PSMA7: variants seen among roughly 807,000 people sequenced by gnomAD.
PSMA7 encodes the protein proteasome 20S subunit alpha 7.
A neutral mutation model predicts 31.3 loss-of-function variants in PSMA7; 5 were observed. That is an observed-to-expected ratio of 0.16 (90% CI 0.08 to 0.34). PSMA7 has a LOEUF of 0.34. PSMA7 is among the 10% of genes least tolerant of loss of function. The pLI, the probability that PSMA7 is intolerant of heterozygous loss-of-function variation, is 1.00. For missense variants in PSMA7, 217 were observed against 327.5 expected (o/e 0.66, Z 2.60); for synonymous variants, 155 against 121.9 (o/e 1.27, Z -1.79).
chr20:62,139,428 C>T (rs553326059), intron 3 of PSMA7: 3 of 658,462 alleles, frequency 4.6e-6, no homozygotes, highest in South Asian at 4.1e-5. Flanking sequence ...CTGGAAATTA[C>T]TTTGACAGGT....
intron 5 of PSMA7, among the ~76,000 whole-genome samples, chr20:62,137,674 G>C (rs1274291943): frequency 6.6e-6 from 1 of 152,184 alleles, no homozygotes; most frequent in African/African-American, 2.4e-5. Context: ...CGCTGCTCCA[G>C]GCCCTCCTCT....
At chr20:62,143,135 C>T (rs1297166520) in intron 1 of PSMA7, 73 bp downstream of exon 1, 3 of 1,023,176 alleles carry the variant, frequency 2.9e-6, no homozygotes, top group South Asian at 2.9e-5. Context: ...CGCGCCCGGC[C>T]CCGGCCCTCT....
intron 2 of PSMA7, 29 bp from the exon 3 acceptor site, chr20:62,139,934 A>G (rs2056917435): frequency 1.2e-6 from 2 of 1,608,184 alleles, no homozygotes; most frequent in Non-Finnish European, 1.7e-6. Context: ...GGCTTCTGCT[A>G]GAGAGACAGC....
intron 6 of PSMA7, 69 bp from the exon 7 acceptor site, chr20:62,137,018 G>A (rs962008292): frequency 6.4e-7 from 1 of 1,569,880 alleles, no homozygotes; most frequent in Non-Finnish European, 8.6e-7. Context: ...CTCTTCTGGG[G>A]AGGGCGGCCA....
intron 1 of PSMA7, 128 bp from the exon 2 acceptor site, chr20:62,141,072 C>G: frequency 8.4e-7 from 1 of 1,185,460 alleles, no homozygotes; most frequent in South Asian, 1.4e-5. Flanking sequence ...GAGTTCAAGA[C>G]CAGCCGGACA....
At chr20:62,138,315 C>G (rs777728938) in intron 4 of PSMA7, 25 bp from the exon 5 acceptor site, 2 of 1,579,822 alleles carry the variant, frequency 1.3e-6, no homozygotes, top group Admixed American at 3.5e-5. Context: ...TATGTTCTCA[C>G]GTGGCATAGG....
At chr20:62,142,005 A>T (rs1473445664) in intron 1 of PSMA7, among the ~76,000 whole-genome samples, 1 of 152,182 alleles carries the variant, frequency 6.6e-6, no homozygotes, top group Non-Finnish European at 1.5e-5. Flanking sequence ...CACGGGTGGG[A>T]TATTGAGCAG....
chr20:62,137,664 C>T (rs1050658334), intron 5 of PSMA7, among the ~76,000 whole-genome samples: 4 of 152,206 alleles, frequency 2.6e-5, no homozygotes, highest in African/African-American at 9.7e-5. Context: ...TGCACAGTAG[C>T]GCTGCTCCAG....
In PSMA7 at chr20:62,138,059, TTAAGCATTAC is replaced by T. The variant is rs565379746; in HGVS notation, c.591+102_591+111del. 1,164 of 1,437,874 alleles carry T rather than the reference TTAAGCATTAC, an allele frequency of 8.1e-4. 20 individuals carry two copies. In the South Asian group the frequency reaches 9.7e-3, roughly 12 times the overall value. The allele number at this position is 1,437,874 out of a possible 1,614,324, so 89.1% of individuals were successfully genotyped here. On this transcript the variant is annotated intron_variant, in intron 5 of 6. Coordinates refer to ENST00000370873, the MANE Select transcript of PSMA7 (RefSeq NM_002792.4). ...AGCAGTGCCTGGAACACAGCAGTCA[TTAAGCATTAC>T]TGCTGGATCCTTGCCACCTTCCTTC... is the stretch of plus-strand genomic sequence containing the variant.
intron 5 of PSMA7, 121 bp from the exon 6 acceptor site, chr20:62,137,547 C>A: frequency 1.1e-6 from 1 of 923,782 alleles, no homozygotes; most frequent in Non-Finnish European, 1.7e-6. Context: ...AACAGAGGTC[C>A]CAGCCCCCAA....
At chr20:62,140,541 T>C (rs934154969) in intron 2 of PSMA7, among the ~76,000 whole-genome samples, 3 of 152,234 alleles carry the variant, frequency 2.0e-5, no homozygotes, top group African/African-American at 7.2e-5. Flanking sequence ...TTTCTCTAGA[T>C]TGTAACTGAT....
intron 6 of PSMA7, 105 bp downstream of exon 6, chr20:62,137,259 A>G: frequency 8.3e-7 from 1 of 1,202,174 alleles, no homozygotes. Context: ...CTAATGTTAA[A>G]ACCACAGAAT....
intron 1 of PSMA7, among the ~76,000 whole-genome samples, chr20:62,142,274 G>A (rs565732884): frequency 3.7e-4 from 57 of 152,276 alleles, no homozygotes; most frequent in Non-Finnish European, 6.5e-4. Context: ...GGCAGTATTG[G>A]GGTGGGTACA....
rs562586837 is a variant in PSMA7, at chr20:62,136,790, C to T, written c.*67G>A. The T allele has an allele frequency of 6.5e-7, 1 of 1,540,036 alleles. No individual in the cohort carries two copies. The highest frequency in any genetic ancestry group is 8.7e-7 in the Non-Finnish European group (1 of 1,148,778). On this transcript the variant is annotated 3_prime_UTR_variant, in exon 7 of 7. Transcript: ENST00000370873. The stretch of plus-strand genomic sequence containing the variant: ...AGTGTGAATAAATGGAATGGAAAGG[C>T]CTACACATCGAGACTCATCCATGAT...
intron 2 of PSMA7, 135 bp from the exon 3 acceptor site, chr20:62,140,040 C>G: frequency 8.3e-7 from 1 of 1,209,314 alleles, no homozygotes; most frequent in Non-Finnish European, 1.1e-6. Flanking sequence ...TGACTGGCAG[C>G]GGAACCTATC....
At chr20:62,138,405 C>G in intron 4 of PSMA7, 115 bp from the exon 5 acceptor site, 3 of 1,360,446 alleles carry the variant, frequency 2.2e-6, no homozygotes, top group Non-Finnish European at 3.0e-6. Context: ...AGGAGGCAAG[C>G]TGGAGTGCTG....
chr20:62,139,306 CTCAGGTTA>C (rs2056913414), intron 3 of PSMA7, 109 bp from the exon 4 acceptor site: 2 of 1,346,264 alleles, frequency 1.5e-6, no homozygotes, highest in African/African-American at 1.5e-5. Flanking sequence ...TGAGCCCCTT[CTCAGGTTA>C]TCAGCAGTTC....
chr20:62,139,889 T>C lies in PSMA7; in HGVS notation c.240A>G (p.Ala80=). Reference sequence around the variant, plus strand: ...CCCGGGCCCTGTTGATGACTATCCTTGCATCGGCGGTGAGGCCTGCAAGGA... The same window carrying C: ...CCCGGGCCCTGTTGATGACTATCCTCGCATCGGCGGTGAGGCCTGCAAGGA... The part of the protein sequence containing the change: ...CMAFAGLTAD[A]RIVINRARVE... The change falls in exon 3 of 7, where the codon GCA becomes GCG. Residue 80 remains alanine (A), a synonymous_variant. Transcript: ENST00000370873. The C allele has an allele frequency of 6.2e-7, 1 of 1,613,836 alleles. No homozygotes were observed. The highest frequency in any genetic ancestry group is 8.5e-7 in the Non-Finnish European group (1 of 1,180,020).
At chr20:62,137,601 G>C (rs759812056) in intron 5 of PSMA7, 175 bp from the exon 6 acceptor site, 2 of 652,310 alleles carry the variant, frequency 3.1e-6, no homozygotes, top group Admixed American at 2.8e-5. Flanking sequence ...TGTGAAGTCT[G>C]TTTGGGATGC....
Sources: allele counts gnomAD v4.1 joint callset (sites outside exome capture counted in the v4.1 genomes callset), GRCh38; gene constraint gnomAD v4.1.1; transcripts MANE v1.5; gene names NCBI Gene and HGNC (gene_info 2026-07-23, HGNC 2026-07-21).